The following PDS5B variants were observed in gnomAD, a reference collection of about 807,000 sequenced individuals.
PDS5B encodes sister chromatid cohesion protein PDS5 homolog B.
Under a neutral mutation model 184.1 loss-of-function variants are expected in PDS5B, and 51 were observed. The observed-to-expected ratio is 0.28, with a 90% CI of 0.22 to 0.35. The LOEUF (loss-of-function observed/expected upper bound fraction) is 0.35. Ranked by LOEUF, PDS5B falls within the 10% of genes least tolerant of loss-of-function variation. The pLI is 1.00. For missense variants in PDS5B, 1,180 were observed against 1,723.3 expected, an observed-to-expected ratio of 0.68 and a Z score of 5.58; for synonymous variants, 566 against 569.2, an observed-to-expected ratio of 0.99 and a Z score of 0.08.
At chr13:32,640,524 G>C (rs1213364679) in intron 1 of PDS5B, among the ~76,000 whole-genome samples, 4 of 149,198 alleles carry the variant, frequency 2.7e-5, no homozygotes, top group African/African-American at 9.9e-5. Flanking sequence ...TGAGATTACA[G>C]GCGTGAGCCA....
chr13:32,654,168 T>C (rs999943706), intron 3 of PDS5B, among the ~76,000 whole-genome samples: 3 of 152,212 alleles, frequency 2.0e-5, no homozygotes, highest in African/African-American at 7.2e-5. Flanking sequence ...TTACTGACTT[T>C]GAGGGTGCTT....
chr13:32,673,837 AT>A (rs113238018), intron 8 of PDS5B, among the ~76,000 whole-genome samples: 1 of 150,988 alleles, frequency 6.6e-6, no homozygotes, highest in Non-Finnish European at 1.5e-5. Context: ...TTGAGACAGG[AT>A]TTTTTTTTGT....
At chr13:32,719,719 A>C (rs1446296813) in intron 19 of PDS5B, among the ~76,000 whole-genome samples, 2 of 152,042 alleles carry the variant, frequency 1.3e-5, no homozygotes, top group African/African-American at 4.8e-5. Context: ...CACAAATGAT[A>C]TGCTGGAAAA....
At chr13:32,767,570 C>T (rs1954623867) in intron 31 of PDS5B, among the ~76,000 whole-genome samples, 1 of 152,092 alleles carries the variant, frequency 6.6e-6, no homozygotes, top group Admixed American at 6.5e-5. Flanking sequence ...ATCACAAGAA[C>T]CAGTGCAACA....
chr13:32,679,884 AGTGTGTGTGTGTGTGTGTGTGT>A (rs34635708), intron 10 of PDS5B, among the ~76,000 whole-genome samples: 1 of 143,616 alleles, frequency 7.0e-6, no homozygotes, highest in Non-Finnish European at 1.5e-5. Flanking sequence ...TTCGTCTGTG[AGTGTGTGTGTGTGTGTGTGTGT>A]GTGTGTGTGT....
At chr13:32,762,020 C>G (rs953511798) in intron 30 of PDS5B, among the ~76,000 whole-genome samples, 2 of 152,100 alleles carry the variant, frequency 1.3e-5, no homozygotes, top group African/African-American at 4.8e-5. Context: ...GAGACGGTAT[C>G]TCGTTGTAGT....
intron 13 of PDS5B, among the ~76,000 whole-genome samples, chr13:32,692,192 G>A (rs2140841092): frequency 6.6e-6 from 1 of 151,912 alleles, no homozygotes; most frequent in Non-Finnish European, 1.5e-5. Flanking sequence ...ACTTTTCTTT[G>A]GGGAAGACAA....
chr13:32,642,890 A>G (rs1593317755), intron 1 of PDS5B, among the ~76,000 whole-genome samples: 1 of 152,238 alleles, frequency 6.6e-6, no homozygotes. Context: ...TAATTTCAGA[A>G]TCAACTGTGA....
chr13:32,633,937 A>T (rs2058497896), intron 1 of PDS5B, among the ~76,000 whole-genome samples: 1 of 152,214 alleles, frequency 6.6e-6, no homozygotes, highest in African/African-American at 2.4e-5. Context: ...TTAAAGAGCT[A>T]CATTGTAATG....
intron 11 of PDS5B, among the ~76,000 whole-genome samples, chr13:32,686,522 G>A (rs1278005610): frequency 2.0e-5 from 3 of 152,152 alleles, no homozygotes; most frequent in Non-Finnish European, 2.9e-5. Flanking sequence ...AGTGGCTCAC[G>A]CCTGTAATCC....
chr13:32,661,409 A>AC, intron 6 of PDS5B, among the ~76,000 whole-genome samples: 1 of 146,492 alleles, frequency 6.8e-6, no homozygotes, highest in Non-Finnish European at 1.5e-5. Context: ...AAAAAAAAAA[A>AC]ACAGAAAAAG....
At position 32,670,918 on chromosome 13, in the gene PDS5B, A is replaced by G. The variant is rs76674331; in HGVS notation, c.706-2298A>G. 1.2e-3 allele frequency among the ~76,000 whole-genome samples: 180 copies of G among 152,378 alleles called. 1 individual carries two copies. In the East Asian group the frequency reaches 0.023, roughly 19 times the overall value. On this transcript the variant is annotated intron_variant, in intron 7 of 34. Transcript: ENST00000315596. ...AAAATTAGCCATGTAAATGTAAGGT[A>G]GAATTTATTACTGACTGGTGACATC...
chr13:32,644,382 A>C (rs985744048), intron 1 of PDS5B, among the ~76,000 whole-genome samples: 1 of 152,196 alleles, frequency 6.6e-6, no homozygotes, highest in African/African-American at 2.4e-5. Flanking sequence ...GAACATCTCT[A>C]TATTGATGTT....
chr13:32,722,508 G>A (rs1952752942), intron 19 of PDS5B, among the ~76,000 whole-genome samples: 1 of 152,122 alleles, frequency 6.6e-6, no homozygotes, highest in African/African-American at 2.4e-5. Flanking sequence ...TGTAGTCTAG[G>A]AGCAATAGGT....
At chr13:32,611,858 A>G (rs997162370) in intron 1 of PDS5B, among the ~76,000 whole-genome samples, 1 of 151,998 alleles carries the variant, frequency 6.6e-6, no homozygotes, top group African/African-American at 2.4e-5. Flanking sequence ...TCTGCAAGAA[A>G]AAATAAGTTT....
At chr13:32,750,770 G>A (rs1411167839) in intron 24 of PDS5B, among the ~76,000 whole-genome samples, 1 of 151,986 alleles carries the variant, frequency 6.6e-6, no homozygotes, top group Non-Finnish European at 1.5e-5. Context: ...TCGAACTCCT[G>A]ACCTCAGGTG....
intron 17 of PDS5B, among the ~76,000 whole-genome samples, chr13:32,705,127 C>G (rs1034272584): frequency 6.6e-6 from 1 of 151,938 alleles, no homozygotes; most frequent in African/African-American, 2.4e-5. Flanking sequence ...TTGTTGTGGC[C>G]TTTTTTTGTA....
At chr13:32,742,516 T>G (rs939385256) in intron 22 of PDS5B, 75 bp from the exon 23 acceptor site, 2 of 1,273,522 alleles carry the variant, frequency 1.6e-6, no homozygotes, top group Non-Finnish European at 2.2e-6. Flanking sequence ...ATACATTTTA[T>G]TTTTAAAAAA....
intron 11 of PDS5B, among the ~76,000 whole-genome samples, chr13:32,685,316 A>C (rs1951354053): frequency 6.6e-6 from 1 of 152,254 alleles, no homozygotes; most frequent in Non-Finnish European, 1.5e-5. Flanking sequence ...AATTAGTGAA[A>C]AGGGCCAAAA....
Sources: allele counts gnomAD v4.1 joint callset (sites outside exome capture counted in the v4.1 genomes callset), GRCh38; gene constraint gnomAD v4.1.1; transcripts MANE v1.5; gene names NCBI Gene and HGNC (gene_info 2026-07-23, HGNC 2026-07-21).